The following PAX8 variants were observed in gnomAD, a reference collection of about 807,000 sequenced individuals.
PAX8 encodes the protein paired box protein Pax-8.
A neutral mutation model predicts 52.4 loss-of-function variants in PAX8; 15 were observed. The ratio of observed to expected loss-of-function variants is 0.29; its 90% CI spans 0.19 to 0.44. The LOEUF (loss-of-function observed/expected upper bound fraction) is 0.44, where lower values mean the gene tolerates loss of function less well. PAX8 is among the 20% of genes least tolerant of loss of function. The pLI, the probability that PAX8 is intolerant of heterozygous loss-of-function variation, is 1.00. For missense variants in PAX8, 554 were observed against 602.5 expected, an observed-to-expected ratio of 0.92 and a Z score of 0.84; for synonymous variants, 284 against 249.7, an observed-to-expected ratio of 1.14 and a Z score of -1.29.
chr2:113,273,852 A>C (rs903844429), intron 2 of PAX8: 11 of 152,162 alleles, frequency 7.2e-5, no homozygotes, highest in Non-Finnish European at 1.5e-4. Flanking sequence ...TGTACGTCTT[A>C]AATTTATTTT....
chr2:113,236,576 G>T, intron 8 of PAX8, 25 bp downstream of exon 8: 1 of 1,550,778 alleles, frequency 6.4e-7, no homozygotes. Context: ...CCCTCCACCT[G>T]CCAGGGAGGC....
intron 2 of PAX8, among the ~76,000 whole-genome samples, chr2:113,247,866 C>G (rs541799720): frequency 6.6e-6 from 1 of 152,212 alleles, no homozygotes; most frequent in African/African-American, 2.4e-5. Flanking sequence ...CCTAGACCAG[C>G]AAACAGCCAG....
At chr2:113,249,095 C>T (rs762393949) in intron 2 of PAX8, among the ~76,000 whole-genome samples, 30 of 152,248 alleles carry the variant, frequency 2.0e-4, no homozygotes, top group Non-Finnish European at 2.2e-4. Flanking sequence ...GTGGACACAA[C>T]GGGTGAGCTT....
At chr2:113,238,170 A>G (rs1016007995) in intron 7 of PAX8, 2 of 151,582 alleles carry the variant, frequency 1.3e-5, no homozygotes, top group African/African-American at 4.9e-5. Flanking sequence ...CCTGGGTTCA[A>G]GTGATTCCCC....
intron 10 of PAX8, 159 bp from the exon 11 acceptor site, chr2:113,220,337 T>C: frequency 1.6e-6 from 1 of 637,206 alleles, no homozygotes; most frequent in Non-Finnish European, 2.9e-6. Context: ...AAGGTCCCTC[T>C]GTCATCCCTT....
intron 2 of PAX8, chr2:113,268,502 A>T (rs1001754125): frequency 1.3e-5 from 2 of 152,282 alleles, no homozygotes; most frequent in Non-Finnish European, 2.9e-5. Context: ...GGATCCAGGT[A>T]GACCAGCATA....
At chr2:113,227,798 C>T (rs1689674194) in intron 9 of PAX8, among the ~76,000 whole-genome samples, 1 of 152,136 alleles carries the variant, frequency 6.6e-6, no homozygotes, top group African/African-American at 2.4e-5. Flanking sequence ...TGCTAATCAA[C>T]CACTATACCA....
At chr2:113,256,489 A>G (rs1484711930) in intron 2 of PAX8, among the ~76,000 whole-genome samples, 1 of 152,176 alleles carries the variant, frequency 6.6e-6, no homozygotes, top group East Asian at 1.9e-4. Flanking sequence ...CAACAACAAG[A>G]AGAAAGTCCT....
intron 2 of PAX8, among the ~76,000 whole-genome samples, chr2:113,264,590 G>A (rs1381512325): frequency 6.6e-6 from 1 of 152,206 alleles, no homozygotes; most frequent in Admixed American, 6.5e-5. Flanking sequence ...GTAGGATTTT[G>A]TGTAAGGTGC....
At chr2:113,232,933 T>G (rs1251042584) in intron 9 of PAX8, among the ~76,000 whole-genome samples, 2 of 152,032 alleles carry the variant, frequency 1.3e-5, no homozygotes, top group Non-Finnish European at 2.9e-5. Context: ...GCCTGCCCCA[T>G]GACCGCCGCC....
At chr2:113,221,037 T>C (rs925811328) in intron 10 of PAX8, among the ~76,000 whole-genome samples, 8 of 152,194 alleles carry the variant, frequency 5.3e-5, no homozygotes, top group African/African-American at 1.9e-4. Context: ...GCTTAAAGTT[T>C]GTAAAGCACT....
chr2:113,273,745 A>G (rs1237249680), intron 2 of PAX8: 1 of 151,550 alleles, frequency 6.6e-6, no homozygotes, highest in African/African-American at 2.4e-5. Flanking sequence ...GGAATTTTCC[A>G]TTACTAAACT....
chr2:113,241,020 A>T, intron 7 of PAX8: 1 of 203,010 alleles, frequency 4.9e-6, no homozygotes, highest in Non-Finnish European at 1.0e-5. Flanking sequence ...TGAGTCATGA[A>T]GGCTAGTGGT....
At chr2:113,258,140 T>C (rs1011461284) in intron 2 of PAX8, among the ~76,000 whole-genome samples, 2 of 152,218 alleles carry the variant, frequency 1.3e-5, no homozygotes, top group African/African-American at 2.4e-5. Context: ...ATGGGTGCTT[T>C]CCAAAACACA....
chr2:113,251,093 C>T (rs1691722003), intron 2 of PAX8, among the ~76,000 whole-genome samples: 1 of 152,230 alleles, frequency 6.6e-6, no homozygotes, highest in African/African-American at 2.4e-5. Context: ...AAAGAGCCTG[C>T]TGGCTGCAGA....
chr2:113,249,039 T>A (rs1315504975), intron 2 of PAX8, among the ~76,000 whole-genome samples: 3 of 152,238 alleles, frequency 2.0e-5, no homozygotes, highest in Non-Finnish European at 4.4e-5. Flanking sequence ...GGAAAAGCCC[T>A]CTGGCCAAAC....
chr2:113,250,648 A>G (rs575158801), intron 2 of PAX8: 5 of 152,342 alleles, frequency 3.3e-5, no homozygotes, highest in African/African-American at 1.2e-4. Context: ...ATTAAGCGTA[A>G]GAGAATAACT....
intron 2 of PAX8, chr2:113,273,538 G>A (rs1048946681): frequency 1.3e-5 from 2 of 152,148 alleles, no homozygotes; most frequent in African/African-American, 4.8e-5. Flanking sequence ...TGAGAGACTT[G>A]GGATTTCTCA....
At chr2:113,255,709 T>A (rs1254093905) in intron 2 of PAX8, among the ~76,000 whole-genome samples, 2 of 152,092 alleles carry the variant, frequency 1.3e-5, no homozygotes, top group Non-Finnish European at 2.9e-5. Flanking sequence ...AGCCAAGAAG[T>A]CTTTTTCTTC....
Sources: gnomAD v4.1 joint callset for allele counts (sites outside exome capture counted in the v4.1 genomes callset) on GRCh38, gnomAD v4.1.1 for gene constraint, MANE v1.5 for transcripts, NCBI Gene and HGNC (gene_info 2026-07-23, HGNC 2026-07-21) for gene names.